WIPI2: variants seen among roughly 807,000 people sequenced by gnomAD.
WIPI2 encodes the protein WD repeat domain phosphoinositide-interacting protein 2.
A neutral mutation model predicts 52.3 loss-of-function variants in WIPI2; 28 were observed. The observed-to-expected ratio is 0.54, with a 90% CI of 0.40 to 0.73. The LOEUF (loss-of-function observed/expected upper bound fraction) is 0.73, where lower values mean the gene tolerates loss of function less well. Ranked by LOEUF, WIPI2 falls within the 30% of genes least tolerant of loss-of-function variation. The pLI, the probability that WIPI2 is intolerant of heterozygous loss-of-function variation, is 0.00. For synonymous variants in WIPI2, 268 were observed against 245.0 expected (o/e 1.09, Z -0.88); for missense variants, 506 against 602.9 (o/e 0.84, Z 1.68).
Position 5,232,209 on chromosome 7 carries a change from CTATT to C in WIPI2, c.*1265_*1268del, listed in dbSNP as rs1266496745. On this transcript the variant is annotated 3_prime_UTR_variant, in exon 13 of 13. Transcript: ENST00000288828. ...ACGGATAGAAGGGAAAAGGCAAAAA[CTATT>C]TACCCTGCCTTTGCAGGCTGGGGTT... The C allele has an allele frequency of 2.0e-5, 8 of 398,560 alleles. No homozygotes were observed. The highest frequency in any genetic ancestry group is 1.2e-3 in the Middle Eastern group (2 of 1,610). 24.7% of individuals were successfully genotyped at this position (398,560 alleles called of 1,614,324 possible). A position where few individuals can be genotyped will look rare whatever the true frequency, so the allele number is the denominator to read the frequency against.
At chr7:5,222,885 C>T in intron 8 of WIPI2, 1 of 488,594 alleles carries the variant, frequency 2.0e-6, no homozygotes, top group Non-Finnish European at 3.7e-6. Context: ...TTTGCGATCC[C>T]ACCAGCTAGC....
rs765903235 is a variant in WIPI2, at chr7:5,228,120, C to T, written c.1030C>T (p.Arg344Trp). The T allele has an allele frequency of 5.0e-6, 8 of 1,613,954 alleles. No individual in the cohort carries two copies. In the Admixed American group the frequency reaches 5.0e-5, roughly 10 times the overall value. The change falls in exon 11 of 13, where the codon CGG (arginine) becomes TGG (tryptophan). Residue 344 changes from arginine to tryptophan, a missense_variant. Physicochemically the swap from Arg to Trp is moderately radical, Grantham distance 101 (BLOSUM62 -3). Around this residue, in one of 4 missense-constraint regions of WIPI2, gnomAD observed 194 missense variants for 175.1 expected, o/e 1.11. Transcript: ENST00000288828. Reference protein sequence around the residue: ...CSLATIQKIPRLLVGAADGYL... With the variant: ...CSLATIQKIPWLLVGAADGYL... ...TCTCCCTAGAATTCAGAAGATCCCG[C>T]GGTTGTTGGTGGGTGCCGCCGACGG...
intron 7 of WIPI2, among the ~76,000 whole-genome samples, chr7:5,220,760 G>A (rs1783080784): frequency 6.6e-6 from 1 of 151,964 alleles, no homozygotes; most frequent in South Asian, 2.1e-4. Context: ...ACAGGCATGA[G>A]TTACTGCATT....
intron 1 of WIPI2, among the ~76,000 whole-genome samples, chr7:5,191,265 G>A (rs978589512): frequency 6.6e-6 from 1 of 152,044 alleles, no homozygotes; most frequent in African/African-American, 2.4e-5. Context: ...CAAGTGATCC[G>A]CCCACCTCAG....
chr7:5,211,935 G>A (rs996317202), intron 3 of WIPI2, among the ~76,000 whole-genome samples: 2 of 152,186 alleles, frequency 1.3e-5, no homozygotes, highest in African/African-American at 2.4e-5. Context: ...GTGTTAGGAC[G>A]CGTGCCGCTG....
At chr7:5,210,129 G>T (rs901292203) in intron 3 of WIPI2, among the ~76,000 whole-genome samples, 3 of 151,932 alleles carry the variant, frequency 2.0e-5, no homozygotes, top group Non-Finnish European at 1.5e-5. Flanking sequence ...GGCTGGCCTC[G>T]AACGCCTGAC....
intron 3 of WIPI2, among the ~76,000 whole-genome samples, chr7:5,212,705 A>G (rs1782616416): frequency 6.6e-6 from 1 of 152,174 alleles, no homozygotes; most frequent in Non-Finnish European, 1.5e-5. Context: ...TTTTGTAGAG[A>G]TAGGACCTCA....
intron 7 of WIPI2, among the ~76,000 whole-genome samples, chr7:5,221,508 A>G (rs530605786): frequency 9.6e-4 from 146 of 152,266 alleles, no homozygotes; most frequent in African/African-American, 3.5e-3. Context: ...CTTTCTTTCC[A>G]TCAGTCTATT....
At chr7:5,197,912 G>C (rs1223710058) in intron 2 of WIPI2, among the ~76,000 whole-genome samples, 1 of 152,148 alleles carries the variant, frequency 6.6e-6, no homozygotes, top group African/African-American at 2.4e-5. Flanking sequence ...GCTGAAAGCT[G>C]GACTTGCTTC....
intron 4 of WIPI2, 93 bp from the exon 5 acceptor site, chr7:5,216,470 G>C (rs928808676): frequency 1.5e-5 from 14 of 948,522 alleles, no homozygotes; most frequent in Admixed American, 6.2e-5. Flanking sequence ...AGGAATGAGA[G>C]CGTCATAGTC....
intron 3 of WIPI2, among the ~76,000 whole-genome samples, chr7:5,213,735 G>A (rs1478490435): frequency 6.6e-6 from 1 of 152,186 alleles, no homozygotes; most frequent in Non-Finnish European, 1.5e-5. Flanking sequence ...GCCCAGGCTG[G>A]AGTGCAGTGG....
chr7:5,201,595 A>T (rs1029742168), intron 3 of WIPI2, among the ~76,000 whole-genome samples: 4 of 152,194 alleles, frequency 2.6e-5, no homozygotes, highest in Non-Finnish European at 5.9e-5. Flanking sequence ...AATACAAAAA[A>T]ATTAGCCAGG....
At chr7:5,191,553 G>A (rs1158192100) in intron 1 of WIPI2, among the ~76,000 whole-genome samples, 1 of 152,126 alleles carries the variant, frequency 6.6e-6, no homozygotes, top group Non-Finnish European at 1.5e-5. Context: ...GATACGGGTT[G>A]GATGCTGCCT....
intron 2 of WIPI2, among the ~76,000 whole-genome samples, chr7:5,194,813 A>G (rs191876295): frequency 2.0e-5 from 3 of 152,292 alleles, no homozygotes; most frequent in East Asian, 3.9e-4. Flanking sequence ...AGAAAGAATG[A>G]GAAAGGAGAT....
At chr7:5,190,799 C>T (rs1199657042) in intron 1 of WIPI2, 1 of 257,800 alleles carries the variant, frequency 3.9e-6, no homozygotes, top group African/African-American at 2.2e-5. Context: ...AAGTTGGGGC[C>T]GAACTTTGGG....
At chr7:5,199,940 T>C (rs1335347674) in intron 3 of WIPI2, among the ~76,000 whole-genome samples, 1 of 152,206 alleles carries the variant, frequency 6.6e-6, no homozygotes, top group Non-Finnish European at 1.5e-5. Flanking sequence ...GGTCTGTAAC[T>C]TCTCTCCCTT....
chr7:5,229,540 C>T, intron 11 of WIPI2, 68 bp from the exon 12 acceptor site: 5 of 1,547,558 alleles, frequency 3.2e-6, no homozygotes, highest in South Asian at 2.4e-5. Flanking sequence ...CGCAGGGCAG[C>T]CAGTGTGTAC....
At chr7:5,228,270 C>G in intron 11 of WIPI2, 59 bp downstream of exon 11, 3 of 1,457,046 alleles carry the variant, frequency 2.1e-6, no homozygotes, top group South Asian at 1.3e-5. Context: ...GCTTTCGGGG[C>G]ACCTGGCGAA....
At chr7:5,210,132 C>T (rs373980151) in intron 3 of WIPI2, among the ~76,000 whole-genome samples, 8 of 152,186 alleles carry the variant, frequency 5.3e-5, no homozygotes, top group African/African-American at 1.7e-4. Flanking sequence ...TGGCCTCGAA[C>T]GCCTGACCTC....
Sources: allele counts gnomAD v4.1 joint callset (sites outside exome capture counted in the v4.1 genomes callset), GRCh38; gene constraint gnomAD v4.1.1; regional missense constraint gnomAD v4.1.1; transcripts MANE v1.5; gene names NCBI Gene and HGNC (gene_info 2026-07-23, HGNC 2026-07-21).